Variants in CCDC171 observed in about 807,000 individuals in gnomAD.
The protein encoded by CCDC171 is coiled-coil domain-containing protein 171.
CCDC171 carries 177 observed loss-of-function variants against 168.2 expected under a neutral mutation model. The ratio of observed to expected loss-of-function variants is 1.05; its 90% CI spans 0.93 to 1.19. CCDC171 has a LOEUF of 1.19. CCDC171 is among the 50% of genes most tolerant of loss of function. The pLI is 0.00. For missense variants in CCDC171, 1,991 were observed against 1,539.0 expected (o/e 1.29, Z -4.91); for synonymous variants, 687 against 540.8 (o/e 1.27, Z -3.75).
chr9:15,970,786 A>G (rs1304448829), intron 25 of CCDC171, among the ~76,000 whole-genome samples: 1 of 152,202 alleles, frequency 6.6e-6, no homozygotes, highest in Non-Finnish European at 1.5e-5. Flanking sequence ...AAATACTTAT[A>G]ATAGTCTTTA....
intron 1 of CCDC171, among the ~76,000 whole-genome samples, chr9:15,559,652 G>T (rs955023244): frequency 6.6e-6 from 1 of 152,054 alleles, no homozygotes; most frequent in Non-Finnish European, 1.5e-5. Flanking sequence ...GGTCTCCTCA[G>T]TACAGCACAC....
Position 15,692,669 on chromosome 9 carries a change from A to AAGTAGGT in CCDC171, c.1216-2566_1216-2565insAGTAGGT, listed in dbSNP as rs1338120744. On this transcript the variant is annotated intron_variant, in intron 10 of 25. Transcript: ENST00000380701. Reference sequence around the variant, plus strand: ...CAGCCTCCCAAGTAGCTGGGACTACAGGCGCCCGCCACCATGCCCAGCTAA... The same window carrying AAGTAGGT: ...CAGCCTCCCAAGTAGCTGGGACTACAAGTAGGTGGCGCCCGCCACCATGCCCAGCTAA... Among the ~76,000 whole-genome samples the AAGTAGGT allele has an allele frequency of 1.8e-4, 28 of 151,438 alleles. No homozygotes were observed. In the East Asian group the frequency reaches 5.0e-3, roughly 27 times the overall value.
At chr9:16,097,753 C>A in the CCDC171 span, among the ~76,000 whole-genome samples, 1 of 152,182 alleles carries the variant, frequency 6.6e-6, no homozygotes, top group East Asian at 1.9e-4. Flanking sequence ...TACAAAGAGG[C>A]TCATTGAGAT....
chr9:15,810,060 G>A lies in CCDC171; in HGVS notation c.3267+25366G>A, dbSNP rs531504928. 9.2e-5 allele frequency among the ~76,000 whole-genome samples: 14 copies of A among 152,176 alleles called. No homozygotes were observed. The South Asian group carries it at 2.3e-3, about 25-fold the overall frequency. On this transcript the variant is annotated intron_variant, in intron 21 of 25. Transcript: ENST00000380701. ...TGAGCTAGACACAGAGCACTGATTG[G>A]TGCATCCACTAACCCCGAGCTAGAC... is the stretch of plus-strand genomic sequence containing the variant.
chr9:15,825,249 C>T (rs1453333991), intron 21 of CCDC171, among the ~76,000 whole-genome samples: 1 of 152,024 alleles, frequency 6.6e-6, no homozygotes, highest in Non-Finnish European at 1.5e-5. Flanking sequence ...TGATTGATAA[C>T]TAAAAATATA....
chr9:15,803,808 C>T (rs1158729207), intron 21 of CCDC171, among the ~76,000 whole-genome samples: 1 of 151,792 alleles, frequency 6.6e-6, no homozygotes, highest in Non-Finnish European at 1.5e-5. Context: ...TGAAGAATGT[C>T]AACGATAGTT....
At chr9:15,588,050 T>G (rs1331976875) in intron 4 of CCDC171, among the ~76,000 whole-genome samples, 1 of 152,012 alleles carries the variant, frequency 6.6e-6, no homozygotes, top group East Asian at 1.9e-4. Context: ...GCCTGACTGA[T>G]ATGGTGAAAC....
In CCDC171 at chr9:15,711,908, C is replaced by T. The variant is rs536589914; in HGVS notation, c.1319-9861C>T. On this transcript the variant is annotated intron_variant, in intron 11 of 25. Transcript: ENST00000380701. Reference sequence around the variant, plus strand: ...ACCCTATTGCTTTGCTGTCAGCAAGCATCTCAGCTGGATATGGTTCCATCT... The same window carrying T: ...ACCCTATTGCTTTGCTGTCAGCAAGTATCTCAGCTGGATATGGTTCCATCT... Among the ~76,000 whole-genome samples the T allele has an allele frequency of 2.0e-5, 3 of 152,302 alleles. No individual in the cohort carries two copies. The East Asian group carries it at 5.8e-4, about 29-fold the overall frequency.
chr9:16,052,491 C>G (rs1028650403), intron 1 of CCDC171, among the ~76,000 whole-genome samples: 1 of 152,192 alleles, frequency 6.6e-6, no homozygotes, highest in Non-Finnish European at 1.5e-5. Flanking sequence ...ACACAAACTT[C>G]TCTTCACACT....
chr9:15,616,385 A>G (rs2044085413), intron 6 of CCDC171, among the ~76,000 whole-genome samples: 1 of 152,136 alleles, frequency 6.6e-6, no homozygotes, highest in South Asian at 2.1e-4. Context: ...TGCCTGGCCT[A>G]TGATTTTCTT....
At chr9:15,632,429 A>C (rs1263102202) in intron 7 of CCDC171, among the ~76,000 whole-genome samples, 3 of 152,048 alleles carry the variant, frequency 2.0e-5, no homozygotes, top group Non-Finnish European at 4.4e-5. Flanking sequence ...CAATTGCTTC[A>C]AAGAGAATAA....
At chr9:16,008,208 G>T (rs907940292) in intron 3 of CCDC171, among the ~76,000 whole-genome samples, 8 of 152,046 alleles carry the variant, frequency 5.3e-5, no homozygotes, top group African/African-American at 9.7e-5. Context: ...TACAGTTTCA[G>T]CTCTTACATT....
intron 10 of CCDC171, among the ~76,000 whole-genome samples, chr9:15,682,217 T>A (rs2050086684): frequency 1.3e-5 from 2 of 152,206 alleles, no homozygotes; most frequent in Middle Eastern, 6.8e-3. Flanking sequence ...TATGTGTTAG[T>A]ACAGCATAGC....
intron 25 of CCDC171, among the ~76,000 whole-genome samples, chr9:15,930,896 G>C (rs1826429389): frequency 6.6e-6 from 1 of 151,672 alleles, no homozygotes; most frequent in African/African-American, 2.4e-5. Flanking sequence ...TATTTATGTT[G>C]TATAATGATC....
chr9:15,779,062 C>G lies in CCDC171; in HGVS notation c.2993C>G (p.Thr998Arg). 1 of 1,604,906 alleles carries G rather than the reference C, an allele frequency of 6.2e-7. No individual in the cohort carries two copies. The highest frequency in any genetic ancestry group is 8.5e-7 in the Non-Finnish European group (1 of 1,176,026). Residue 998 changes from threonine (T) to arginine (R), a missense_variant, in exon 20 of 26, where the codon ACA becomes AGA. Coordinates refer to ENST00000380701, the MANE Select transcript of CCDC171 (RefSeq NM_173550.4). ...VERRSLRLEV[T>R]EFKRSVNEMK... ...CGCCGCTCACTACGCTTAGAGGTCA[C>G]AGAATTCAAACGAAGTGTGAATGAA...
At chr9:16,073,770 C>A in the CCDC171 span, among the ~76,000 whole-genome samples, 1 of 152,164 alleles carries the variant, frequency 6.6e-6, no homozygotes, top group African/African-American at 2.4e-5. Flanking sequence ...TTCTCTTCAC[C>A]TCCATGCTCA....
chr9:15,578,470 A>G (rs1300572310), intron 3 of CCDC171, among the ~76,000 whole-genome samples: 1 of 149,246 alleles, frequency 6.7e-6, no homozygotes, highest in Admixed American at 6.7e-5. Flanking sequence ...GGGTCTGCCC[A>G]TGTGGCCCGG....
intron 23 of CCDC171, among the ~76,000 whole-genome samples, chr9:15,867,654 A>G (rs2061847464): frequency 6.6e-6 from 1 of 152,074 alleles, no homozygotes; most frequent in Non-Finnish European, 1.5e-5. Flanking sequence ...CCAGCTCAAG[A>G]GGGATTTTAA....
chr9:16,088,930 T>C, the CCDC171 span, among the ~76,000 whole-genome samples: 4 of 152,144 alleles, frequency 2.6e-5, no homozygotes, highest in African/African-American at 9.7e-5. Context: ...AGAACGAAGC[T>C]GGAGGCATCT....
Sources: gnomAD v4.1 joint callset for allele counts (sites outside exome capture counted in the v4.1 genomes callset) on GRCh38, gnomAD v4.1.1 for gene constraint, MANE v1.5 for transcripts, NCBI Gene and HGNC (gene_info 2026-07-23, HGNC 2026-07-21) for gene names.